DLG2: variants seen among roughly 807,000 people sequenced by gnomAD.
DLG2 encodes disks large homolog 2.
DLG2 carries 45 observed loss-of-function variants against 132.5 expected under a neutral mutation model. That is an observed-to-expected ratio of 0.34 (90% CI 0.27 to 0.44). The LOEUF (loss-of-function observed/expected upper bound fraction) is 0.44. Ranked by LOEUF, DLG2 falls within the 20% of genes least tolerant of loss-of-function variation. The probability of loss-of-function intolerance (pLI) is 1.00; values close to 1 mark genes in which losing one functional copy is unlikely to be tolerated. For missense variants in DLG2, 1,045 were observed against 1,196.9 expected, an observed-to-expected ratio of 0.87 and a Z score of 1.87; for synonymous variants, 424 against 419.6, an observed-to-expected ratio of 1.01 and a Z score of -0.13.
At chr11:84,889,355 G>A (rs188304056) in intron 6 of DLG2, among the ~76,000 whole-genome samples, 2 of 152,100 alleles carry the variant, frequency 1.3e-5, no homozygotes, top group African/African-American at 4.8e-5. Flanking sequence ...TTCATGGTGA[G>A]GGGGAGATTT....
chr11:85,204,791 G>T (rs1223406231), intron 4 of DLG2, among the ~76,000 whole-genome samples: 1 of 152,056 alleles, frequency 6.6e-6, no homozygotes, highest in African/African-American at 2.4e-5. Flanking sequence ...GTACTACAAA[G>T]CTACAGTAAC....
chr11:85,487,664 A>C (rs1303287100), intron 3 of DLG2, among the ~76,000 whole-genome samples: 2 of 152,172 alleles, frequency 1.3e-5, no homozygotes, highest in Admixed American at 6.5e-5. Context: ...AAAAGCCTTT[A>C]AGATGTTTGG....
intron 5 of DLG2, among the ~76,000 whole-genome samples, chr11:85,137,478 G>A (rs957511432): frequency 6.6e-6 from 1 of 151,970 alleles, no homozygotes; most frequent in Admixed American, 6.6e-5. Context: ...TCCTGAAATC[G>A]TTTCTGTCCC....
intron 7 of DLG2, among the ~76,000 whole-genome samples, chr11:84,489,828 T>C (rs2099160163): frequency 6.6e-6 from 1 of 152,000 alleles, no homozygotes; most frequent in African/African-American, 2.4e-5. Context: ...TAAAATTTCA[T>C]ATATTCTATC....
At chr11:85,389,164 A>T (rs888523833) in intron 3 of DLG2, among the ~76,000 whole-genome samples, 2 of 152,162 alleles carry the variant, frequency 1.3e-5, no homozygotes, top group African/African-American at 4.8e-5. Context: ...ATAAAAAACA[A>T]TCGCAACTTC....
chr11:84,126,443 A>G (rs139346027), intron 9 of DLG2, among the ~76,000 whole-genome samples: 1 of 152,260 alleles, frequency 6.6e-6, no homozygotes, highest in East Asian at 1.9e-4. Context: ...AGAAAACTCT[A>G]AAGGAAATAC....
At chr11:83,490,474 A>G (rs981819533) in intron 21 of DLG2, among the ~76,000 whole-genome samples, 1 of 152,060 alleles carries the variant, frequency 6.6e-6, no homozygotes, top group Non-Finnish European at 1.5e-5. Flanking sequence ...CCATTTTGTA[A>G]TCATCACTAT....
intron 18 of DLG2, among the ~76,000 whole-genome samples, chr11:83,654,966 T>C (rs1022179139): frequency 6.6e-6 from 1 of 152,188 alleles, no homozygotes; most frequent in African/African-American, 2.4e-5. Context: ...TAACTGTACA[T>C]TCTGTATCAG....
intron 7 of DLG2, chr11:84,317,260 G>A: frequency 1.3e-6 from 2 of 1,497,748 alleles, no homozygotes; most frequent in Non-Finnish European, 1.8e-6. Flanking sequence ...GGATTCCTCA[G>A]TATCTTTGAC....
chr11:84,861,618 C>CAAAAAAAAAAAAAA lies in DLG2; in HGVS notation c.357+250029_357+250042dup, dbSNP rs1177657034. On this transcript the variant is annotated intron_variant, in intron 6 of 27. Transcript: ENST00000376104. ...ATTAAACTAAAGAGCTTCTACACAG[C>CAAAAAAAAAAAAAA]AAAAAAAAAAAAAAAAAAAAACAAA... Among the ~76,000 whole-genome samples, 79 of 35,800 alleles carry CAAAAAAAAAAAAAA rather than the reference C, an allele frequency of 2.2e-3. 5 individuals carry two copies. The highest frequency in any genetic ancestry group is 4.3e-3 in the East Asian group (5 of 1,168). The allele number at this position is 35,800 out of a possible 152,430, so 23.5% of individuals were successfully genotyped here. A position where few individuals can be genotyped will look rare whatever the true frequency, so the allele number is the denominator to read the frequency against.
intron 8 of DLG2, among the ~76,000 whole-genome samples, chr11:84,169,753 G>C (rs1414629114): frequency 6.6e-6 from 1 of 151,880 alleles, no homozygotes; most frequent in Non-Finnish European, 1.5e-5. Flanking sequence ...CACGCCTGTA[G>C]TCCCAGCTAC....
intron 3 of DLG2, among the ~76,000 whole-genome samples, chr11:85,498,647 G>A (rs546288297): frequency 7.0e-4 from 106 of 152,044 alleles, no homozygotes; most frequent in Non-Finnish European, 1.2e-3. Context: ...GCACCACATC[G>A]CACTTATTCT....
In DLG2 at chr11:83,689,087, C is replaced by A. The variant is rs982773293; in HGVS notation, c.1826-55762G>T. ...AAATTTAATAGATAATAGCTAACTA[C>A]ACAGCTGCATAGCATATTTTTATAA... On this transcript the variant is annotated intron_variant, in intron 18 of 27. Coordinates refer to ENST00000376104, the MANE Select transcript of DLG2 (RefSeq NM_001142699.3). Among the ~76,000 whole-genome samples, 4 of 152,244 alleles carry A rather than the reference C, an allele frequency of 2.6e-5. No homozygotes were observed. In the South Asian group the frequency reaches 8.3e-4, roughly 32 times the overall value.
chr11:83,724,997 T>C (rs2089711724), intron 18 of DLG2: 1 of 690,394 alleles, frequency 1.4e-6, no homozygotes, highest in Admixed American at 2.0e-5. Flanking sequence ...CGCTCTTGAG[T>C]GGTGGCCAAA....
chr11:83,467,940 A>ATGTT (rs2091437720), intron 25 of DLG2, among the ~76,000 whole-genome samples: 1 of 151,172 alleles, frequency 6.6e-6, no homozygotes, highest in South Asian at 2.1e-4. Flanking sequence ...AACAAATAAA[A>ATGTT]ATGCTATTAC....
chr11:84,469,567 A>G (rs1351171217), intron 7 of DLG2, among the ~76,000 whole-genome samples: 1 of 151,616 alleles, frequency 6.6e-6, no homozygotes, highest in Non-Finnish European at 1.5e-5. Flanking sequence ...CATTCTGTAT[A>G]TTGTAGTAAA....
At chr11:85,186,467 T>C (rs955897112) in intron 4 of DLG2, among the ~76,000 whole-genome samples, 3 of 152,070 alleles carry the variant, frequency 2.0e-5, no homozygotes, top group Admixed American at 2.0e-4. Context: ...TAAGTAGATA[T>C]GTAAAGAATG....
chr11:84,581,888 A>G (rs2099517231), intron 6 of DLG2, among the ~76,000 whole-genome samples: 2 of 148,902 alleles, frequency 1.3e-5, no homozygotes, highest in Admixed American at 1.3e-4. Context: ...GCCTGGCGAC[A>G]CAGTGAGACT....
chr11:83,551,156 T>G (rs1055909502), intron 19 of DLG2, among the ~76,000 whole-genome samples: 1 of 152,176 alleles, frequency 6.6e-6, no homozygotes, highest in African/African-American at 2.4e-5. Context: ...CAAGAATCCC[T>G]GTCCGACAGG....
Sources: gnomAD v4.1 joint callset for allele counts (sites outside exome capture counted in the v4.1 genomes callset) on GRCh38, gnomAD v4.1.1 for gene constraint, MANE v1.5 for transcripts, NCBI Gene and HGNC (gene_info 2026-07-23, HGNC 2026-07-21) for gene names.